LRRC8D: variants seen among roughly 807,000 people sequenced by gnomAD.
LRRC8D encodes volume-regulated anion channel subunit LRRC8D.
In LRRC8D, 20 loss-of-function variants were observed where a neutral mutation model predicts 55.8. The observed-to-expected ratio is 0.36, with a 90% CI of 0.25 to 0.52. LRRC8D has a LOEUF of 0.52. Ranked by LOEUF, LRRC8D falls within the 20% of genes least tolerant of loss-of-function variation. The probability of loss-of-function intolerance (pLI) is 0.93; values close to 1 mark genes in which losing one functional copy is unlikely to be tolerated. For missense variants in LRRC8D, 651 were observed against 1,030.8 expected, an observed-to-expected ratio of 0.63 and a Z score of 5.05; for synonymous variants, 352 against 377.0, an observed-to-expected ratio of 0.93 and a Z score of 0.77.
rs112353603 is a variant in LRRC8D at position 89,871,094 on chromosome 1, G to A, written c.-3+27312G>A. 6.0e-3 allele frequency among the ~76,000 whole-genome samples: 910 copies of A among 152,280 alleles called. 18 individuals are homozygous for A. The highest frequency in any genetic ancestry group is 0.031 in the Admixed American group (478 of 15,288). ...TTTCATTCATGTCTCAGGTTGCAAA[G>A]TTATGTAAGTTGTTTACAGCAAAAT... On this transcript the variant is annotated intron_variant, in intron 2 of 2. Transcript: ENST00000337338.
rs115864219 is a variant in LRRC8D, at chr1:89,866,656, C to A, written c.-3+22874C>A. On this transcript the variant is annotated intron_variant, in intron 2 of 2. Coordinates refer to ENST00000337338, the MANE Select transcript of LRRC8D (RefSeq NM_001134479.2). ...AGCCTATCCCTACATCTTAGAAAAC[C>A]CCTTCTTGGTGAGAGGAATGTCAAG... is the stretch of plus-strand genomic sequence containing the variant. Among the ~76,000 whole-genome samples, 366 of 152,200 alleles carry A rather than the reference C, an allele frequency of 2.4e-3. 1 individual carries two copies. Among genetic ancestry groups the A allele is most frequent in the African/African-American group, 8.3e-3 (344 of 41,524 alleles).
chr1:89,825,392 C>T (rs1398733133), intron 1 of LRRC8D, among the ~76,000 whole-genome samples: 1 of 152,238 alleles, frequency 6.6e-6, no homozygotes, highest in Non-Finnish European at 1.5e-5. Context: ...CTTCTGAAAT[C>T]TGAATTCCTT....
At chr1:89,895,261 T>C (rs1013430117) in intron 2 of LRRC8D, among the ~76,000 whole-genome samples, 1 of 152,236 alleles carries the variant, frequency 6.6e-6, no homozygotes, top group African/African-American at 2.4e-5. Flanking sequence ...GTCTGTTAGA[T>C]GACCTTAAAT....
At chr1:89,830,694 A>G (rs1034572792) in intron 1 of LRRC8D, among the ~76,000 whole-genome samples, 1 of 152,138 alleles carries the variant, frequency 6.6e-6, no homozygotes, top group South Asian at 2.1e-4. Flanking sequence ...CGGTGTTGCC[A>G]GGTCTTCTGA....
intron 2 of LRRC8D, among the ~76,000 whole-genome samples, chr1:89,851,259 T>C (rs1344756308): frequency 1.3e-5 from 2 of 152,138 alleles, no homozygotes; most frequent in African/African-American, 4.8e-5. Flanking sequence ...TGAGGTGTGA[T>C]GCTTACTGAC....
At chr1:89,822,074 C>T (rs985849512) in intron 1 of LRRC8D, 3 of 152,654 alleles carry the variant, frequency 2.0e-5, no homozygotes, top group Admixed American at 2.0e-4. Flanking sequence ...GGGCCTTCTC[C>T]TTTCCGTCAC....
rs59747789 is a variant in LRRC8D, at chr1:89,884,292, T to A, written c.-3+40510T>A. On this transcript the variant is annotated intron_variant, in intron 2 of 2. Coordinates refer to ENST00000337338, the MANE Select transcript of LRRC8D (RefSeq NM_001134479.2). ...TGGGCTGTAGATGAGGTAGACTTTGTGTGTAATGGAGCCCTTTCTATTTCC... is the reference window on the plus strand; with the variant it reads ...TGGGCTGTAGATGAGGTAGACTTTGAGTGTAATGGAGCCCTTTCTATTTCC... Among the ~76,000 whole-genome samples, 1,497 of 152,320 alleles carry A rather than the reference T, an allele frequency of 9.8e-3. 20 individuals carry two copies. The highest frequency in any genetic ancestry group is 0.034 in the African/African-American group (1,427 of 41,564).
intron 2 of LRRC8D, among the ~76,000 whole-genome samples, chr1:89,861,588 C>T (rs1403429531): frequency 6.6e-6 from 1 of 152,214 alleles, no homozygotes; most frequent in Admixed American, 6.5e-5. Context: ...TGTCACATAT[C>T]TGGACAAGTC....
intron 2 of LRRC8D, among the ~76,000 whole-genome samples, chr1:89,859,894 G>T (rs1375538205): frequency 2.6e-5 from 4 of 152,178 alleles, no homozygotes; most frequent in African/African-American, 9.7e-5. Flanking sequence ...AGTGAAAATT[G>T]TTAAATGACA....
intron 2 of LRRC8D, among the ~76,000 whole-genome samples, chr1:89,898,304 T>G (rs1453542735): frequency 2.0e-5 from 3 of 152,174 alleles, no homozygotes; most frequent in African/African-American, 7.2e-5. Context: ...TCGTGAAATA[T>G]CTACGTGTGG....
intron 2 of LRRC8D, among the ~76,000 whole-genome samples, chr1:89,905,352 C>A (rs1037905810): frequency 1.3e-5 from 2 of 152,192 alleles, no homozygotes; most frequent in Non-Finnish European, 2.9e-5. Context: ...CCTCCCAAGA[C>A]TTTTATGGGA....
At chr1:89,839,954 G>A (rs1471001948) in intron 1 of LRRC8D, among the ~76,000 whole-genome samples, 1 of 152,174 alleles carries the variant, frequency 6.6e-6, no homozygotes, top group Non-Finnish European at 1.5e-5. Flanking sequence ...GTTTTTTAGA[G>A]ATGAGTTTAT....
intron 2 of LRRC8D, among the ~76,000 whole-genome samples, chr1:89,860,809 T>TATATATATATATATACAC (rs970678615): frequency 2.8e-5 from 3 of 105,538 alleles, no homozygotes; most frequent in African/African-American, 1.1e-4. Flanking sequence ...TATATATATA[T>TATATATATATATATACAC]ACACACACAG....
Position 89,834,019 on chromosome 1 carries a change from C to A in LRRC8D, c.-147-9619C>A, listed in dbSNP as rs536179638. Among the ~76,000 whole-genome samples, 8 of 152,262 alleles carry A rather than the reference C, an allele frequency of 5.3e-5. No homozygotes were observed. In the East Asian group the frequency reaches 1.5e-3, roughly 29 times the overall value. ...GCGACACTGTGGCTGCAGGCAGTTG[C>A]TGTAGTTCAAAGCAAACAGCCAAGC... On this transcript the variant is annotated intron_variant, in intron 1 of 2. Transcript: ENST00000337338.
chr1:89,830,159 A>G (rs1660853181), intron 1 of LRRC8D, among the ~76,000 whole-genome samples: 2 of 152,264 alleles, frequency 1.3e-5, no homozygotes, highest in African/African-American at 4.8e-5. Context: ...TTTTTTAAAT[A>G]CAAGAAAATT....
At chr1:89,907,379 C>T (rs768848726) in intron 2 of LRRC8D, among the ~76,000 whole-genome samples, 2 of 151,750 alleles carry the variant, frequency 1.3e-5, no homozygotes, top group Admixed American at 6.6e-5. Context: ...TTAGTAGAGA[C>T]GGGGTTTTGC....
chr1:89,890,047 C>T lies in LRRC8D; in HGVS notation c.-2-43020C>T, dbSNP rs895869434. Among the ~76,000 whole-genome samples, 6 of 147,682 alleles carry T rather than the reference C, an allele frequency of 4.1e-5. No homozygotes were observed. The East Asian group carries it at 8.2e-4, about 20-fold the overall frequency. Reference sequence around the variant, plus strand: ...ATAAAAATACAAAAAATTAGTTGAGCGTGTTGGCGGGCGCCTGTAGTCCCA... The same window carrying T: ...ATAAAAATACAAAAAATTAGTTGAGTGTGTTGGCGGGCGCCTGTAGTCCCA... On this transcript the variant is annotated intron_variant, in intron 2 of 2. Coordinates refer to ENST00000337338, the MANE Select transcript of LRRC8D (RefSeq NM_001134479.2).
intron 2 of LRRC8D, among the ~76,000 whole-genome samples, chr1:89,874,443 TTGTGTGTGTGTGTGTG>T (rs36202085): frequency 1.4e-5 from 2 of 146,296 alleles, no homozygotes; most frequent in East Asian, 2.0e-4. Flanking sequence ...AAGAAACTAT[TTGTGTGTGTGTGTGTG>T]TGTGTGTGTG....
chr1:89,905,002 G>A (rs1009831107), intron 2 of LRRC8D, among the ~76,000 whole-genome samples: 7 of 151,740 alleles, frequency 4.6e-5, no homozygotes, highest in Non-Finnish European at 5.9e-5. Context: ...ACTTGATTTT[G>A]GAGGTTTTAA....
Sources: gnomAD v4.1 joint callset for allele counts (sites outside exome capture counted in the v4.1 genomes callset) on GRCh38, gnomAD v4.1.1 for gene constraint, MANE v1.5 for transcripts, NCBI Gene and HGNC (gene_info 2026-07-23, HGNC 2026-07-21) for gene names.